ERC2: variants seen among roughly 807,000 people sequenced by gnomAD.
ERC2 encodes the protein ELKS/RAB6-interacting/CAST family member 2.
ERC2 carries 42 observed loss-of-function variants against 114.8 expected under a neutral mutation model. That is an observed-to-expected ratio of 0.37 (90% CI 0.29 to 0.47). The LOEUF (loss-of-function observed/expected upper bound fraction) is 0.47, where lower values mean the gene tolerates loss of function less well. Among genes scored for constraint, ERC2 ranks in the 20% least tolerant of loss-of-function variants. The pLI, the probability that ERC2 is intolerant of heterozygous loss-of-function variation, is 0.99. For synonymous variants in ERC2, 454 were observed against 425.5 expected, an observed-to-expected ratio of 1.07 and a Z score of -0.82; for missense variants, 939 against 1,150.7, an observed-to-expected ratio of 0.82 and a Z score of 2.66.
intron 14 of ERC2, among the ~76,000 whole-genome samples, chr3:55,848,534 C>T (rs1052504079): frequency 1.3e-5 from 2 of 152,166 alleles, no homozygotes; most frequent in African/African-American, 4.8e-5. Flanking sequence ...ACTTGCTGGC[C>T]CATACTGGCA....
chr3:56,446,677 G>A (rs1178054268), intron 1 of ERC2, among the ~76,000 whole-genome samples: 1 of 140,404 alleles, frequency 7.1e-6, no homozygotes, highest in South Asian at 2.3e-4. Flanking sequence ...CCAGACTGGA[G>A]GGCACTGGCA....
At chr3:55,838,695 C>G (rs952646342) in intron 14 of ERC2, among the ~76,000 whole-genome samples, 1 of 151,736 alleles carries the variant, frequency 6.6e-6, no homozygotes, top group African/African-American at 2.4e-5. Context: ...TGATAAATCT[C>G]TAGGCATACT....
chr3:55,591,990 T>C (rs1207665146), intron 17 of ERC2, among the ~76,000 whole-genome samples: 8 of 152,214 alleles, frequency 5.3e-5, no homozygotes, highest in Non-Finnish European at 8.8e-5. Flanking sequence ...AGAGCATTTG[T>C]AGAAAAGAGT....
chr3:55,997,176 A>C (rs2219415), intron 10 of ERC2, among the ~76,000 whole-genome samples: 58,164 of 152,034 alleles, frequency 0.38, 11,525 homozygotes, highest in Middle Eastern at 0.52. Flanking sequence ...ACAAATAATT[A>C]ATCATGACCA....
chr3:55,825,555 G>A (rs911376321), intron 14 of ERC2, among the ~76,000 whole-genome samples: 3 of 151,968 alleles, frequency 2.0e-5, no homozygotes, highest in Non-Finnish European at 4.4e-5. Flanking sequence ...CCATCTAAAA[G>A]TCACTAATAA....
intron 3 of ERC2, among the ~76,000 whole-genome samples, chr3:56,256,894 T>C (rs780590002): frequency 8.5e-5 from 13 of 152,188 alleles, no homozygotes; most frequent in Non-Finnish European, 1.8e-4. Context: ...TCCCCAGCCA[T>C]GCAGAACTGT....
intron 7 of ERC2, among the ~76,000 whole-genome samples, chr3:56,071,844 A>G (rs2076754957): frequency 6.6e-6 from 1 of 152,202 alleles, no homozygotes; most frequent in African/African-American, 2.4e-5. Flanking sequence ...CACAATCTCT[A>G]TCCAAGAGAC....
chr3:56,318,809 G>A (rs2056989955), intron 2 of ERC2, among the ~76,000 whole-genome samples: 1 of 151,532 alleles, frequency 6.6e-6, no homozygotes, highest in Non-Finnish European at 1.5e-5. Flanking sequence ...AAGAGGGTCT[G>A]GATGCAGTGG....
chr3:55,672,914 G>A (rs534246262), intron 17 of ERC2, among the ~76,000 whole-genome samples: 18 of 152,220 alleles, frequency 1.2e-4, no homozygotes, highest in South Asian at 2.1e-4. Flanking sequence ...TCAACAGTCC[G>A]GGCTCCATCA....
At position 56,080,982 on chromosome 3, in the gene ERC2, T is replaced by C. The variant is rs2077201561; in HGVS notation, c.1476A>G (p.Val492=). 6.2e-7 allele frequency: 1 copy of C among 1,611,648 alleles called. No homozygotes were observed. The highest frequency in any genetic ancestry group is 1.7e-4 in the Middle Eastern group (1 of 6,044). The change falls in exon 7 of 18, where the codon GTA becomes GTG. Residue 492 remains valine (V), a splice_region_variant and synonymous_variant. Coordinates refer to ENST00000288221, the MANE Select transcript of ERC2 (RefSeq NM_015576.3). ...EQRAAILQTE[V]DALRLRLEEK... ...CTTCCAGTCGTAATCTCAGCGCATC[T>C]ACCTGAAATCAGGAAAAAGACAGAA...
At chr3:55,568,367 A>T (rs956984586) in intron 17 of ERC2, among the ~76,000 whole-genome samples, 1 of 152,186 alleles carries the variant, frequency 6.6e-6, no homozygotes, top group East Asian at 1.9e-4. Context: ...TCCAGCAAGC[A>T]ATAGTTAGCA....
At chr3:55,663,232 A>T (rs143725057) in intron 17 of ERC2, among the ~76,000 whole-genome samples, 1 of 152,238 alleles carries the variant, frequency 6.6e-6, no homozygotes, top group Non-Finnish European at 1.5e-5. Flanking sequence ...TTCCCCAAAA[A>T]ACAGACCTTA....
At chr3:55,515,183 A>T (rs910562426) in intron 17 of ERC2, among the ~76,000 whole-genome samples, 1 of 152,192 alleles carries the variant, frequency 6.6e-6, no homozygotes, top group African/African-American at 2.4e-5. Context: ...TTTTCTTTTG[A>T]TAGGAAAAGA....
At chr3:56,267,374 G>A (rs559715406) in intron 3 of ERC2, among the ~76,000 whole-genome samples, 1 of 152,258 alleles carries the variant, frequency 6.6e-6, no homozygotes, top group South Asian at 2.1e-4. Context: ...GAAAGAAAAA[G>A]GCTACATGAT....
At chr3:55,569,353 G>A (rs1426959360) in intron 17 of ERC2, among the ~76,000 whole-genome samples, 1 of 152,144 alleles carries the variant, frequency 6.6e-6, no homozygotes, top group African/African-American at 2.4e-5. Context: ...CCATTCCGAT[G>A]GCATGTTTAA....
chr3:55,610,082 A>C (rs1248547660), intron 17 of ERC2, among the ~76,000 whole-genome samples: 1 of 149,650 alleles, frequency 6.7e-6, no homozygotes, highest in Non-Finnish European at 1.5e-5. Context: ...AAAAAAAAAA[A>C]AACAAGAATT....
chr3:55,675,147 T>C (rs760525723), intron 17 of ERC2, among the ~76,000 whole-genome samples: 7 of 152,204 alleles, frequency 4.6e-5, no homozygotes, highest in Non-Finnish European at 7.3e-5. Context: ...ACAGTGGAAG[T>C]TCTCAGTTGC....
At chr3:56,329,240 A>G (rs2057499152) in intron 2 of ERC2, among the ~76,000 whole-genome samples, 1 of 152,366 alleles carries the variant, frequency 6.6e-6, no homozygotes, top group East Asian at 1.9e-4. Flanking sequence ...GGGTTAAGAA[A>G]TGCCTTTATT....
chr3:56,332,708 T>C (rs1471300180), intron 2 of ERC2, among the ~76,000 whole-genome samples: 3 of 152,240 alleles, frequency 2.0e-5, no homozygotes, highest in Non-Finnish European at 4.4e-5. Context: ...GTTTAGGTTC[T>C]TAAATTATAT....
Sources: allele counts gnomAD v4.1 joint callset (sites outside exome capture counted in the v4.1 genomes callset), GRCh38; gene constraint gnomAD v4.1.1; transcripts MANE v1.5; gene names NCBI Gene and HGNC (gene_info 2026-07-23, HGNC 2026-07-21).